Variants in GPC6 observed in about 807,000 individuals in gnomAD.
GPC6 encodes the protein glypican-6.
Under a neutral mutation model 55.2 loss-of-function variants are expected in GPC6, and 14 were observed. The observed-to-expected ratio is 0.25, with a 90% CI of 0.17 to 0.40. GPC6 has a LOEUF of 0.40. GPC6 is among the 10% of genes least tolerant of loss of function. The pLI is 1.00. For missense variants in GPC6, 641 were observed against 708.5 expected, an observed-to-expected ratio of 0.90 and a Z score of 1.08; for synonymous variants, 278 against 259.6, an observed-to-expected ratio of 1.07 and a Z score of -0.68.
chr13:93,993,146 T>G (rs1363414140), intron 3 of GPC6, among the ~76,000 whole-genome samples: 1 of 152,304 alleles, frequency 6.6e-6, no homozygotes, highest in East Asian at 1.9e-4. Context: ...ATGAAATTTC[T>G]CACCTGCATT....
intron 4 of GPC6, among the ~76,000 whole-genome samples, chr13:94,108,866 G>A (rs890721044): frequency 6.7e-6 from 1 of 149,360 alleles, no homozygotes; most frequent in Non-Finnish European, 1.5e-5. Flanking sequence ...AAAAAAAAAA[G>A]TTTTTTTAAT....
intron 3 of GPC6, among the ~76,000 whole-genome samples, chr13:93,952,929 A>G (rs928091941): frequency 6.7e-6 from 1 of 149,246 alleles, no homozygotes; most frequent in Non-Finnish European, 1.5e-5. Context: ...ACACGTATAT[A>G]TATAGTCCTT....
chr13:93,792,359 G>T (rs988053699), intron 2 of GPC6, among the ~76,000 whole-genome samples: 5 of 152,240 alleles, frequency 3.3e-5, no homozygotes, highest in African/African-American at 1.2e-4. Flanking sequence ...CGCCCAGGCG[G>T]GAGTGCAGTG....
intron 1 of GPC6, among the ~76,000 whole-genome samples, chr13:93,228,708 C>G (rs1429091092): frequency 6.6e-6 from 1 of 152,184 alleles, no homozygotes; most frequent in Non-Finnish European, 1.5e-5. Flanking sequence ...GCGCGGGCTG[C>G]TCAAACCGGG....
chr13:93,488,241 T>C (rs1434712973), intron 1 of GPC6, among the ~76,000 whole-genome samples: 1 of 152,154 alleles, frequency 6.6e-6, no homozygotes, highest in Non-Finnish European at 1.5e-5. Flanking sequence ...GTCCTTGCGA[T>C]AGTTTGCTCA....
intron 1 of GPC6, among the ~76,000 whole-genome samples, chr13:93,299,369 A>T (rs1456173158): frequency 2.0e-5 from 3 of 152,248 alleles, no homozygotes; most frequent in African/African-American, 7.2e-5. Context: ...GAAGCTAAGT[A>T]CTTAGTGGAG....
intron 3 of GPC6, among the ~76,000 whole-genome samples, chr13:93,877,628 G>T (rs951210724): frequency 1.3e-5 from 2 of 151,968 alleles, no homozygotes; most frequent in African/African-American, 4.8e-5. Flanking sequence ...AATCCAACCC[G>T]TTAGTCTGTA....
chr13:93,463,536 G>A (rs1485970002), intron 1 of GPC6, among the ~76,000 whole-genome samples: 2 of 152,138 alleles, frequency 1.3e-5, no homozygotes, highest in Middle Eastern at 3.2e-3. Context: ...TTTGAGAGCT[G>A]TGGTTTGTTT....
At chr13:93,799,827 A>G (rs1193330459) in intron 2 of GPC6, among the ~76,000 whole-genome samples, 1 of 152,186 alleles carries the variant, frequency 6.6e-6, no homozygotes, top group Non-Finnish European at 1.5e-5. Flanking sequence ...GCACTGGGGC[A>G]GGTAGTGGGG....
chr13:94,275,033 G>A (rs1011733383), intron 4 of GPC6, among the ~76,000 whole-genome samples: 1 of 151,996 alleles, frequency 6.6e-6, no homozygotes, highest in African/African-American at 2.4e-5. Context: ...CAGAGGAGAA[G>A]GTAGCAAGTT....
chr13:94,358,962 G>A (rs1019920460), intron 6 of GPC6, among the ~76,000 whole-genome samples: 2 of 152,012 alleles, frequency 1.3e-5, no homozygotes, highest in Non-Finnish European at 2.9e-5. Context: ...TCACCTTTTT[G>A]GACCAAAAAA....
At chr13:93,674,494 C>T (rs9561425) in intron 2 of GPC6, among the ~76,000 whole-genome samples, 36,323 of 152,022 alleles carry the variant, frequency 0.24, 5,279 homozygotes, top group East Asian at 0.47. Context: ...CTACAGACCA[C>T]GCTGGTTTAA....
At chr13:94,055,174 CG>C (rs1432365822) in intron 4 of GPC6, among the ~76,000 whole-genome samples, 2 of 152,128 alleles carry the variant, frequency 1.3e-5, no homozygotes, top group East Asian at 3.9e-4. Flanking sequence ...AGGGGCTCAG[CG>C]AAGACCCTGA....
intron 1 of GPC6, among the ~76,000 whole-genome samples, chr13:93,414,761 A>T (rs753194528): frequency 4.6e-5 from 7 of 152,164 alleles, no homozygotes; most frequent in Non-Finnish European, 1.5e-5. Flanking sequence ...AGGTGGAGGC[A>T]GATGCAGGAG....
intron 4 of GPC6, among the ~76,000 whole-genome samples, chr13:94,279,316 T>A (rs1396587045): frequency 6.6e-6 from 1 of 152,010 alleles, no homozygotes; most frequent in Non-Finnish European, 1.5e-5. Flanking sequence ...GTCTATTTTA[T>A]TCTTCTCTTT....
At chr13:94,273,134 A>G (rs1029524940) in intron 4 of GPC6, among the ~76,000 whole-genome samples, 1 of 152,196 alleles carries the variant, frequency 6.6e-6, no homozygotes, top group African/African-American at 2.4e-5. Flanking sequence ...TTAACCCCCC[A>G]GTGAAGTAGG....
intron 6 of GPC6, among the ~76,000 whole-genome samples, chr13:94,337,677 A>C (rs553619429): frequency 1.3e-5 from 2 of 152,218 alleles, no homozygotes; most frequent in East Asian, 1.9e-4. Flanking sequence ...TGATCTCCCG[A>C]CCTCAAGTGA....
At chr13:93,832,224 G>A (rs771079935) in intron 3 of GPC6, among the ~76,000 whole-genome samples, 2 of 139,518 alleles carry the variant, frequency 1.4e-5, no homozygotes, top group Admixed American at 7.5e-5. Flanking sequence ...TAAGGAATTA[G>A]CTAGGTAGAA....
chr13:93,869,455 G>A (rs1889062500), intron 3 of GPC6, among the ~76,000 whole-genome samples: 1 of 151,816 alleles, frequency 6.6e-6, no homozygotes, highest in African/African-American at 2.4e-5. Context: ...AAAATCCTCT[G>A]CTAACATGAT....
Sources: gnomAD v4.1 joint callset for allele counts (sites outside exome capture counted in the v4.1 genomes callset) on GRCh38, gnomAD v4.1.1 for gene constraint, MANE v1.5 for transcripts, NCBI Gene and HGNC (gene_info 2026-07-23, HGNC 2026-07-21) for gene names.